Variants in COL4A2 observed in about 807,000 individuals in gnomAD.
COL4A2 encodes the protein collagen type IV alpha 2 chain.
In COL4A2, 99 loss-of-function variants were observed where a neutral mutation model predicts 200.2. The ratio of observed to expected loss-of-function variants is 0.49; its 90% CI spans 0.42 to 0.58. COL4A2 has a LOEUF of 0.58. Ranked by LOEUF, COL4A2 falls within the 20% of genes least tolerant of loss-of-function variation. COL4A2 has a pLI of 0.00. For missense variants in COL4A2, 1,950 were observed against 2,314.1 expected, an observed-to-expected ratio of 0.84 and a Z score of 3.23; for synonymous variants, 897 against 900.6, an observed-to-expected ratio of 1.00 and a Z score of 0.07.
chr13:110,477,052 A>G (rs1330970927), intron 29 of COL4A2, among the ~76,000 whole-genome samples: 1 of 152,210 alleles, frequency 6.6e-6, no homozygotes, highest in Non-Finnish European at 1.5e-5. Context: ...CCCCAGAGGA[A>G]AATAGGAGCA....
intron 29 of COL4A2, among the ~76,000 whole-genome samples, chr13:110,474,572 A>ACGCG (rs60673441): frequency 6.6e-6 from 1 of 151,846 alleles, no homozygotes; most frequent in African/African-American, 2.4e-5. Flanking sequence ...ACACACACAC[A>ACGCG]TTCACGGTCA....
chr13:110,436,023 C>G, intron 12 of COL4A2: 1 of 610,346 alleles, frequency 1.6e-6, no homozygotes, highest in Non-Finnish European at 2.9e-6. Flanking sequence ...AAATGCAGTC[C>G]AGAATTGTAA....
intron 4 of COL4A2, among the ~76,000 whole-genome samples, chr13:110,392,824 G>C (rs1879038019): frequency 6.6e-6 from 1 of 152,204 alleles, no homozygotes; most frequent in African/African-American, 2.4e-5. Context: ...AAAGAAAGAA[G>C]TAGAAGAACT....
At chr13:110,510,957 C>T (rs1480905967) in intron 47 of COL4A2, among the ~76,000 whole-genome samples, 2 of 152,224 alleles carry the variant, frequency 1.3e-5, no homozygotes, top group East Asian at 3.8e-4. Context: ...GTGAGCAGAA[C>T]ACTTTTTAAA....
intron 47 of COL4A2, among the ~76,000 whole-genome samples, chr13:110,510,264 C>G (rs1351423991): frequency 6.6e-6 from 1 of 152,240 alleles, no homozygotes. Flanking sequence ...GCGAGCGCCA[C>G]GTGGGAGGGA....
chr13:110,455,055 C>A (rs1032568068), intron 20 of COL4A2, among the ~76,000 whole-genome samples: 4 of 152,156 alleles, frequency 2.6e-5, no homozygotes, highest in Non-Finnish European at 5.9e-5. Context: ...GTCCTCCACT[C>A]CAGTGCTGTG....
chr13:110,474,297 A>G (rs972048848), intron 29 of COL4A2, among the ~76,000 whole-genome samples: 12 of 152,342 alleles, frequency 7.9e-5, no homozygotes, highest in African/African-American at 2.6e-4. Flanking sequence ...ATCAGCCCAC[A>G]TCAGGCATCC....
intron 4 of COL4A2, among the ~76,000 whole-genome samples, chr13:110,388,749 T>C (rs1878869563): frequency 6.6e-6 from 1 of 152,228 alleles, no homozygotes; most frequent in South Asian, 2.1e-4. Flanking sequence ...GGGAAAACTC[T>C]GACATCAGAA....
At chr13:110,315,791 A>G (rs1451153819) in intron 3 of COL4A2, among the ~76,000 whole-genome samples, 1 of 152,172 alleles carries the variant, frequency 6.6e-6, no homozygotes, top group African/African-American at 2.4e-5. Flanking sequence ...CCCTCATGGA[A>G]TGATTCATGG....
intron 3 of COL4A2, among the ~76,000 whole-genome samples, chr13:110,317,215 CCACA>C (rs34254684): frequency 6.8e-6 from 1 of 147,842 alleles, no homozygotes; most frequent in Non-Finnish European, 1.5e-5. Flanking sequence ...CACGTGCACC[CCACA>C]CACACAGACA....
chr13:110,449,789 G>C lies in COL4A2; in HGVS notation c.1189G>C (p.Asp397His). Reference sequence around the variant, plus strand: ...CCCTGGCCTCTCCATCGGAGATGGAGGTAATGTGGCTTCATAATATCAACA... The same window carrying C: ...CCCTGGCCTCTCCATCGGAGATGGACGTAATGTGGCTTCATAATATCAACA... ...GPPGLSIGDG[D>H]QRRGLPGEMG... is the part of the protein sequence containing the mutation. Residue 397 changes from aspartate (D) to histidine (H), a missense_variant and splice_region_variant, in exon 19 of 48, where the codon GAT becomes CAT. Physicochemically the swap from Asp to His is moderately conservative, Grantham distance 81 (BLOSUM62 -1). Transcript: ENST00000360467. The C allele has an allele frequency of 6.5e-7, 1 of 1,547,362 alleles. No homozygotes were observed. Among genetic ancestry groups the C allele is most frequent in the Non-Finnish European group, 8.7e-7 (1 of 1,146,376 alleles).
intron 3 of COL4A2, among the ~76,000 whole-genome samples, chr13:110,340,742 C>G (rs563126522): frequency 6.6e-6 from 1 of 152,310 alleles, no homozygotes; most frequent in African/African-American, 2.4e-5. Context: ...CTCGAGCTCA[C>G]TCTATGTCCT....
At chr13:110,507,573 A>G (rs1217845789) in intron 46 of COL4A2, 1 of 286,980 alleles carries the variant, frequency 3.5e-6, no homozygotes. Flanking sequence ...TTGGGGTCAA[A>G]GAGCGACCCC....
At chr13:110,474,784 C>T (rs1265675815) in intron 29 of COL4A2, among the ~76,000 whole-genome samples, 1 of 148,854 alleles carries the variant, frequency 6.7e-6, no homozygotes. Context: ...TACCCACACA[C>T]GTGCCTGTGT....
Position 110,311,263 on chromosome 13 carries a change from A to G in COL4A2, c.99+3140A>G, listed in dbSNP as rs148327315. On this transcript the variant is annotated intron_variant, in intron 3 of 47. Transcript: ENST00000360467. ...AGCCTGGGCTCTAGACTCAGTGTGAACCCAGGTGATCTGTGTGGGCACCTC... is the reference window on the plus strand; with the variant it reads ...AGCCTGGGCTCTAGACTCAGTGTGAGCCCAGGTGATCTGTGTGGGCACCTC... 3.3e-3 allele frequency among the ~76,000 whole-genome samples: 495 copies of G among 152,274 alleles called. 1 individual carries two copies. Among genetic ancestry groups the G allele is most frequent in the African/African-American group, 0.012 (479 of 41,560 alleles).
intron 6 of COL4A2, among the ~76,000 whole-genome samples, chr13:110,427,597 A>G (rs1052071706): frequency 5.3e-5 from 8 of 152,248 alleles, no homozygotes; most frequent in African/African-American, 1.9e-4. Flanking sequence ...ATAACAAAGC[A>G]TATAGCTAAA....
chr13:110,381,739 T>G (rs966876167), intron 4 of COL4A2, among the ~76,000 whole-genome samples: 4 of 152,196 alleles, frequency 2.6e-5, no homozygotes, highest in South Asian at 2.1e-4. Context: ...CACTCCTTTT[T>G]CACTCCCTTT....
At chr13:110,410,537 T>G (rs1198818864) in intron 4 of COL4A2, among the ~76,000 whole-genome samples, 4 of 152,172 alleles carry the variant, frequency 2.6e-5, no homozygotes, top group Non-Finnish European at 5.9e-5. Context: ...TCCTAAAACC[T>G]TCCCATTCGT....
chr13:110,336,239 T>C lies in COL4A2; in HGVS notation c.100-21233T>C, dbSNP rs146663978. Among the ~76,000 whole-genome samples the C allele has an allele frequency of 6.8e-4, 104 of 152,342 alleles. 1 individual carries two copies. The highest frequency in any genetic ancestry group is 2.4e-3 in the African/African-American group (101 of 41,570). ...ATTCTGATGGCTCTCTTTGATAATT[T>C]GTCTGATTGTCTCAAGCATAACTGA... On this transcript the variant is annotated intron_variant, in intron 3 of 47. Transcript: ENST00000360467.
Sources: gnomAD v4.1 joint callset for allele counts (sites outside exome capture counted in the v4.1 genomes callset) on GRCh38, gnomAD v4.1.1 for gene constraint, MANE v1.5 for transcripts, NCBI Gene and HGNC (gene_info 2026-07-23, HGNC 2026-07-21) for gene names.